Variants in SNX29 observed in about 807,000 individuals in gnomAD.
SNX29 encodes sorting nexin 29, also known as sorting nexin-29.
Under a neutral mutation model 102.1 loss-of-function variants are expected in SNX29, and 78 were observed. The observed-to-expected ratio is 0.76, with a 90% confidence interval of 0.64 to 0.92. The LOEUF (loss-of-function observed/expected upper bound fraction) is 0.92, where lower values mean the gene tolerates loss of function less well. SNX29 is among the 40% of genes least tolerant of loss of function. The probability of loss-of-function intolerance (pLI) is 0.00; values close to 1 mark genes in which losing one functional copy is unlikely to be tolerated. For synonymous variants in SNX29, 580 were observed against 414.5 expected (o/e 1.40, Z -4.85); for missense variants, 1,280 against 1,061.7 (o/e 1.21, Z -2.86).
At chr16:12,473,072 T>C (rs912239521) in intron 18 of SNX29, among the ~76,000 whole-genome samples, 1 of 152,076 alleles carries the variant, frequency 6.6e-6, no homozygotes, top group Non-Finnish European at 1.5e-5. Context: ...TTGGAGCTGA[T>C]CGAACTTAAT....
At chr16:12,506,338 G>A (rs965512078) in intron 19 of SNX29, among the ~76,000 whole-genome samples, 59 of 152,272 alleles carry the variant, frequency 3.9e-4, no homozygotes, top group African/African-American at 1.3e-3. Context: ...TGAATCCTGC[G>A]CCTGTCCCTG....
At chr16:12,112,037 G>A (rs570315407) in intron 11 of SNX29, among the ~76,000 whole-genome samples, 1 of 152,224 alleles carries the variant, frequency 6.6e-6, no homozygotes, top group African/African-American at 2.4e-5. Flanking sequence ...GCACACAGAG[G>A]TTGTGCGCAG....
intron 14 of SNX29, among the ~76,000 whole-genome samples, chr16:12,200,487 C>CT (rs35068951): frequency 0.042 from 6,298 of 148,550 alleles, 273 homozygotes; most frequent in African/African-American, 0.11. Context: ...ATTCACGTGT[C>CT]TTTTTTTTTT....
At chr16:12,337,419 A>T (rs1023399628) in intron 15 of SNX29, among the ~76,000 whole-genome samples, 1 of 152,026 alleles carries the variant, frequency 6.6e-6, no homozygotes, top group South Asian at 2.1e-4. Context: ...TCGGTTCACC[A>T]CAGCCTCGAC....
intron 9 of SNX29, 74 bp downstream of exon 9, chr16:12,061,720 C>G: frequency 7.4e-7 from 1 of 1,345,158 alleles, no homozygotes; most frequent in South Asian, 1.3e-5. Flanking sequence ...TGTCTGAGTT[C>G]CCTGGACAGG....
chr16:12,501,059 G>T (rs1278074772), intron 19 of SNX29, among the ~76,000 whole-genome samples: 1 of 152,110 alleles, frequency 6.6e-6, no homozygotes, highest in Non-Finnish European at 1.5e-5. Context: ...CCAGCTGCAG[G>T]CAAGGCTCCA....
At chr16:12,362,076 G>A (rs533164888) in intron 16 of SNX29, among the ~76,000 whole-genome samples, 2 of 152,280 alleles carry the variant, frequency 1.3e-5, no homozygotes, top group African/African-American at 4.8e-5. Context: ...TCATTTAACA[G>A]TGTGCTTTAG....
In SNX29 at chr16:12,438,040, G is replaced by A. The variant is rs528291791; in HGVS notation, c.2037+34511G>A. The stretch of plus-strand genomic sequence containing the variant: ...ACTTGGGAGCACACGTCCACTCTTG[G>A]CCAGGGGCTGCTGGCTTACTGAGAG... On this transcript the variant is annotated intron_variant, in intron 18 of 20. Transcript: ENST00000566228. 8.5e-5 allele frequency among the ~76,000 whole-genome samples: 13 copies of A among 152,212 alleles called. No homozygotes were observed. The East Asian group carries it at 2.1e-3, about 25-fold the overall frequency.
intron 20 of SNX29, among the ~76,000 whole-genome samples, chr16:12,555,309 C>T (rs1001052697): frequency 6.6e-6 from 1 of 151,574 alleles, no homozygotes; most frequent in Admixed American, 6.6e-5. Context: ...GTCAATCCCT[C>T]TCATAGCCCC....
chr16:12,509,229 G>A (rs1055674252), intron 19 of SNX29, among the ~76,000 whole-genome samples: 1 of 152,160 alleles, frequency 6.6e-6, no homozygotes, highest in South Asian at 2.1e-4. Flanking sequence ...AGTTGGAATC[G>A]AGTGTGAAGG....
intron 20 of SNX29, among the ~76,000 whole-genome samples, chr16:12,564,351 C>G (rs2078899729): frequency 6.6e-6 from 1 of 152,138 alleles, no homozygotes; most frequent in Admixed American, 6.5e-5. Context: ...TTCAGGATGT[C>G]AAAGGAGCCA....
At chr16:12,429,091 A>G (rs917746001) in intron 18 of SNX29, among the ~76,000 whole-genome samples, 9 of 152,170 alleles carry the variant, frequency 5.9e-5, no homozygotes, top group African/African-American at 2.2e-4. Context: ...GTTAATTACA[A>G]CACACAGATA....
intron 1 of SNX29, among the ~76,000 whole-genome samples, chr16:11,984,755 C>T (rs1159689680): frequency 6.6e-6 from 1 of 152,074 alleles, no homozygotes; most frequent in Admixed American, 6.6e-5. Flanking sequence ...CTCCTGGGCT[C>T]AAATGACCCT....
intron 14 of SNX29, among the ~76,000 whole-genome samples, chr16:12,259,737 G>A (rs893397284): frequency 1.3e-5 from 2 of 152,088 alleles, no homozygotes; most frequent in East Asian, 1.9e-4. Context: ...CCTCGTCTCC[G>A]ATCCACGGAA....
At position 12,182,791 on chromosome 16, in the gene SNX29, A is replaced by T. The variant is rs532162666; in HGVS notation, c.1596-16810A>T. On this transcript the variant is annotated intron_variant, in intron 13 of 20. Transcript: ENST00000566228. Reference sequence around the variant, plus strand: ...CTAGAAATGCAAAAAAAAATTAGCCAGGTGTGGTGGTGGGCACCTGTAGTC... The same window carrying T: ...CTAGAAATGCAAAAAAAAATTAGCCTGGTGTGGTGGTGGGCACCTGTAGTC... Among the ~76,000 whole-genome samples the T allele has an allele frequency of 4.3e-4, 65 of 152,042 alleles. 1 individual carries two copies. Among genetic ancestry groups the T allele is most frequent in the African/African-American group, 1.6e-3 (65 of 41,450 alleles).
intron 14 of SNX29, among the ~76,000 whole-genome samples, chr16:12,272,387 G>A (rs570672333): frequency 2.6e-5 from 4 of 152,332 alleles, no homozygotes; most frequent in Non-Finnish European, 5.9e-5. Flanking sequence ...GAGATCATTT[G>A]GAGTCACGGG....
At chr16:12,058,081 A>C (rs528315884) in intron 8 of SNX29, among the ~76,000 whole-genome samples, 3 of 152,198 alleles carry the variant, frequency 2.0e-5, no homozygotes, top group African/African-American at 7.2e-5. Flanking sequence ...TGGCCTCCCA[A>C]AGTGCTGGGA....
intron 19 of SNX29, among the ~76,000 whole-genome samples, chr16:12,507,179 G>A (rs1263691734): frequency 6.6e-6 from 1 of 152,228 alleles, no homozygotes; most frequent in African/African-American, 2.4e-5. Flanking sequence ...GACCTGGTAA[G>A]TGGTGCAGCC....
intron 13 of SNX29, among the ~76,000 whole-genome samples, chr16:12,171,678 G>A (rs777074444): frequency 2.6e-4 from 40 of 152,240 alleles, no homozygotes; most frequent in Non-Finnish European, 5.7e-4. Flanking sequence ...TTCAGGACAG[G>A]GAACTGAAGA....
Sources: gnomAD v4.1 joint callset for allele counts (sites outside exome capture counted in the v4.1 genomes callset) on GRCh38, gnomAD v4.1.1 for gene constraint, MANE v1.5 for transcripts, NCBI Gene and HGNC (gene_info 2026-07-23, HGNC 2026-07-21) for gene names.